PTPRN: variants seen among roughly 807,000 people sequenced by gnomAD.
PTPRN encodes the protein receptor-type tyrosine-protein phosphatase-like N.
PTPRN carries 70 observed loss-of-function variants against 108.5 expected under a neutral mutation model. The observed-to-expected ratio is 0.65, with a 90% CI of 0.53 to 0.79. PTPRN has a LOEUF of 0.79. Among genes scored for constraint, PTPRN ranks in the 30% least tolerant of loss-of-function variants. The pLI, the probability that PTPRN is intolerant of heterozygous loss-of-function variation, is 0.00. For missense variants in PTPRN, 1,136 were observed against 1,295.5 expected (o/e 0.88, Z 1.89); for synonymous variants, 496 against 524.6 (o/e 0.95, Z 0.75).
chr2:219,290,694 C>G lies in PTPRN; in HGVS notation c.2795-83G>C. 1 of 1,488,000 alleles carries G rather than the reference C, an allele frequency of 6.7e-7. No individual in the cohort carries two copies. Among genetic ancestry groups the G allele is most frequent in the Non-Finnish European group, 9.2e-7 (1 of 1,082,418 alleles). 92.2% of individuals were successfully genotyped at this position (1,488,000 alleles called of 1,614,324 possible). On this transcript the variant is annotated intron_variant, in intron 21 of 22. Coordinates refer to ENST00000295718, the MANE Select transcript of PTPRN (RefSeq NM_002846.4). This position sits in a 1 kb window ranked among gnomAD's most constrained non-coding sequence, Gnocchi z 4.2. ...CAGAAAACCTGAGGCCTCCTGGAGG[C>G]AAAGAGCCTTGGAGGGCTGGGCAGA...
At chr2:219,291,840 A>T (rs1952061714) in intron 19 of PTPRN, 1 of 446,564 alleles carries the variant, frequency 2.2e-6, no homozygotes, top group Non-Finnish European at 4.1e-6. Context: ...GGGTTCTTAC[A>T]ATGATCACAT....
intron 19 of PTPRN, among the ~76,000 whole-genome samples, 169 bp downstream of exon 19, chr2:219,294,806 G>A (rs1423643906): frequency 6.6e-6 from 1 of 152,022 alleles, no homozygotes; most frequent in African/African-American, 2.4e-5. Flanking sequence ...GGGCACAGCC[G>A]GAGCCTCAGG....
chr2:219,290,670 A>C lies in PTPRN; in HGVS notation c.2795-59T>G, dbSNP rs1222619042. 1 of 1,502,418 alleles carries C rather than the reference A, an allele frequency of 6.7e-7. No homozygotes were observed. Among genetic ancestry groups the C allele is most frequent in the Non-Finnish European group, 9.1e-7 (1 of 1,101,492 alleles). 93.1% of individuals were successfully genotyped at this position (1,502,418 alleles called of 1,614,324 possible). A position where few individuals can be genotyped will look rare whatever the true frequency, so the allele number is the denominator to read the frequency against. On this transcript the variant is annotated intron_variant, in intron 21 of 22. Coordinates refer to ENST00000295718, the MANE Select transcript of PTPRN (RefSeq NM_002846.4). This position sits in a 1 kb window ranked among gnomAD's most constrained non-coding sequence, Gnocchi z 4.2. ...GGGTGTCCAGAGGAGGACAGGACCC[A>C]GAAAACCTGAGGCCTCCTGGAGGCA...
At position 219,297,018 on chromosome 2, in the gene PTPRN, T is replaced by A. The variant is rs779741224; in HGVS notation, c.2203A>T (p.Ile735Phe). Residue 735 changes from isoleucine (I) to phenylalanine (F), a missense_variant, in exon 15 of 23, where the codon ATC (isoleucine) becomes TTC (phenylalanine). Transcript: ENST00000295718. This position sits in a 1 kb window ranked among gnomAD's most constrained non-coding sequence, Gnocchi z 6.0. The part of the protein sequence containing the change: ...TCATAQGEGN[I>F]KKNRHPDFLP... ...AAGTCAGGATGCCGGTTCTTTTTGA[T>A]GTTGCCCTCCCCCTGCGCGGTGGCA... 1 of 1,613,986 alleles carries A rather than the reference T, an allele frequency of 6.2e-7. No homozygotes were observed. The highest frequency in any genetic ancestry group is 8.5e-7 in the Non-Finnish European group (1 of 1,180,006).
At position 219,297,924 on chromosome 2, in the gene PTPRN, C is replaced by T. The variant is rs1305155780; in HGVS notation, c.1848G>A (p.Gly616=). The change falls in exon 13 of 23, where the codon GGG becomes GGA. Residue 616 remains glycine, a synonymous_variant. Coordinates refer to ENST00000295718, the MANE Select transcript of PTPRN (RefSeq NM_002846.4). This position sits in a 1 kb window ranked among gnomAD's most constrained non-coding sequence, Gnocchi z 6.0. The stretch of plus-strand genomic sequence containing the variant: ...TAGTGTCACCATGGGCCCCCTCAGG[C>T]CCCAGGGCTGCCAGGCGCTCCTTGT... ...QQDKERLAAL[G]PEGAHGDTTF... The T allele has an allele frequency of 3.1e-6, 5 of 1,612,596 alleles. No homozygotes were observed. Among genetic ancestry groups the T allele is most frequent in the Non-Finnish European group, 4.2e-6 (5 of 1,179,808 alleles).
chr2:219,297,998 C>A lies in PTPRN; in HGVS notation c.1774G>T (p.Val592Leu). ...ACACACAGAGCCACAGCCAGAGCCA[C>A]CAGCAGCCCAGCCACACCTGCCAGG... is the stretch of plus-strand genomic sequence containing the variant. Reference protein sequence around the residue: ...VALAGVAGLLVALAVALCVRQ... With the variant: ...VALAGVAGLLLALAVALCVRQ... The change falls in exon 13 of 23, where the codon GTG becomes TTG. Residue 592 changes from valine to leucine, a missense_variant. Val to Leu is a conservative substitution (Grantham distance 32). Coordinates refer to ENST00000295718, the MANE Select transcript of PTPRN (RefSeq NM_002846.4). The surrounding 1 kb of genome is among the most constrained non-coding windows in gnomAD (Gnocchi z 6.0). 6.2e-7 allele frequency: 1 copy of A among 1,613,866 alleles called. No homozygotes were observed. The highest frequency in any genetic ancestry group is 1.1e-5 in the South Asian group (1 of 91,088).
At chr2:219,304,133 G>A (rs1294190438) in intron 3 of PTPRN, 1 of 231,294 alleles carries the variant, frequency 4.3e-6, no homozygotes. Flanking sequence ...ATACCTCCTA[G>A]GATTGTTATT....
intron 9 of PTPRN, 61 bp downstream of exon 9, chr2:219,299,924 G>T: frequency 1.9e-6 from 3 of 1,598,902 alleles, no homozygotes; most frequent in Non-Finnish European, 2.6e-6. Flanking sequence ...CTCTGCTTCT[G>T]GCCAGGCAGG....
rs771291729 is a variant in PTPRN at position 219,297,276 on chromosome 2, G to A, written c.2045C>T (p.Pro682Leu). The change falls in exon 14 of 23, where the codon CCG (proline) becomes CTG (leucine). Residue 682 changes from proline (P) to leucine (L), a missense_variant. By Grantham distance (98) the Pro-to-Leu change is moderately conservative. Transcript: ENST00000295718. This position sits in a 1 kb window ranked among gnomAD's most constrained non-coding sequence, Gnocchi z 6.0. ...GGAGATGTCCATGTTGGCTTGGGCC[G>A]GCTCCTCGCACCAGGACGGGGTGCT... ...HSSTPSWCEE[P>L]AQANMDISTG... The A allele has an allele frequency of 2.7e-5, 44 of 1,613,954 alleles. No individual in the cohort carries two copies. Among genetic ancestry groups the A allele is most frequent in the Non-Finnish European group, 3.4e-5 (40 of 1,180,040 alleles).
chr2:219,295,208 C>T, intron 18 of PTPRN, 67 bp from the exon 19 acceptor site: 1 of 1,556,206 alleles, frequency 6.4e-7, no homozygotes, highest in South Asian at 1.2e-5. Context: ...GCGCGCTCTC[C>T]TCGCGACCTT....
At chr2:219,305,261 G>A (rs901506540) in intron 3 of PTPRN, among the ~76,000 whole-genome samples, 2 of 123,146 alleles carry the variant, frequency 1.6e-5, no homozygotes, top group Non-Finnish European at 3.3e-5. Flanking sequence ...TTTTTTTTTT[G>A]AGATGGAGTC....
At chr2:219,308,588 G>A (rs1952543964) in intron 1 of PTPRN, among the ~76,000 whole-genome samples, 1 of 136,242 alleles carries the variant, frequency 7.3e-6, no homozygotes, top group South Asian at 2.5e-4. Flanking sequence ...GTGAGTCAGC[G>A]CTGACTGTCT....
At chr2:219,300,921 C>A (rs1952329856) in intron 8 of PTPRN, 22 bp downstream of exon 8, 3 of 1,613,278 alleles carry the variant, frequency 1.9e-6, no homozygotes, top group Non-Finnish European at 2.5e-6. Context: ...GATTATGAGT[C>A]AAGGAGGTGC....
At chr2:219,298,190 C>T in intron 12 of PTPRN, 87 bp from the exon 13 acceptor site, 1 of 1,314,310 alleles carries the variant, frequency 7.6e-7, no homozygotes. Flanking sequence ...GCCACACCCC[C>T]TGTTAGGACA....
chr2:219,302,349 T>C lies in PTPRN; in HGVS notation c.782A>G (p.Tyr261Cys), dbSNP rs369712496. ...GIFGDHPGHS[Y>C]GDLPGPSPAQ... ...AGGTGAAGGCCCTGGAAGGTCCCCG[T>C]AGGAGTGGCCAGGGTGGTCCCCAAA... The change falls in exon 6 of 23, where the codon TAC becomes TGC. Residue 261 changes from tyrosine to cysteine, a missense_variant. By Grantham distance (194) the Tyr-to-Cys change is radical. Transcript: ENST00000295718. The C allele has an allele frequency of 5.0e-6, 8 of 1,613,662 alleles. No individual in the cohort carries two copies. Among genetic ancestry groups the C allele is most frequent in the Non-Finnish European group, 6.8e-6 (8 of 1,179,804 alleles).
In PTPRN at chr2:219,296,036, A is replaced by G. The variant is rs1277230506; in HGVS notation, c.2508+190T>C. ...TTCTGTAAACAGGACACACACATGT[A>G]TATATGTGAATATATGGGTATGCAT... On this transcript the variant is annotated intron_variant, in intron 18 of 22. Transcript: ENST00000295718. The surrounding 1 kb of genome is among the most constrained non-coding windows in gnomAD (Gnocchi z 6.0). 2 of 732,558 alleles carry G rather than the reference A, an allele frequency of 2.7e-6. No homozygotes were observed. The highest frequency in any genetic ancestry group is 4.4e-6 in the Non-Finnish European group (2 of 453,344). The allele number at this position is 732,558 out of a possible 1,614,324, so 45.4% of individuals were successfully genotyped here. A position where few individuals can be genotyped will look rare whatever the true frequency, so the allele number is the denominator to read the frequency against.
In PTPRN at chr2:219,299,966, C is replaced by T; in HGVS notation, c.1436+19G>A. The T allele has an allele frequency of 6.2e-7, 1 of 1,613,732 alleles. No homozygotes were observed. Among genetic ancestry groups the T allele is most frequent in the Non-Finnish European group, 8.5e-7 (1 of 1,179,778 alleles). ...CAAATCCTAGCAGACCAGAAAGCTTCCCAGGATGCAGCCCTTACTTCTGAT... is the reference window on the plus strand; with the variant it reads ...CAAATCCTAGCAGACCAGAAAGCTTTCCAGGATGCAGCCCTTACTTCTGAT... On this transcript the variant is annotated intron_variant, in intron 9 of 22. Coordinates refer to ENST00000295718, the MANE Select transcript of PTPRN (RefSeq NM_002846.4).
At chr2:219,299,913 C>G in intron 9 of PTPRN, 72 bp downstream of exon 9, 1 of 1,591,962 alleles carries the variant, frequency 6.3e-7, no homozygotes, top group Non-Finnish European at 8.6e-7. Flanking sequence ...GGATTTCTGC[C>G]CTCTGCTTCT....
At position 219,296,196 on chromosome 2, in the gene PTPRN, A is replaced by C. The variant is rs765081723; in HGVS notation, c.2508+30T>G. The C allele has an allele frequency of 2.5e-6, 4 of 1,612,954 alleles. No homozygotes were observed. The highest frequency in any genetic ancestry group is 3.4e-6 in the Non-Finnish European group (4 of 1,179,146). ...GCCATCATCTACTCTTCCCACATCC[A>C]TTGTCCCCTTGCTGTGGGGCCCTGC... On this transcript the variant is annotated intron_variant, in intron 18 of 22. Coordinates refer to ENST00000295718, the MANE Select transcript of PTPRN (RefSeq NM_002846.4). This position sits in a 1 kb window ranked among gnomAD's most constrained non-coding sequence, Gnocchi z 6.0.
Sources: allele counts gnomAD v4.1 joint callset (sites outside exome capture counted in the v4.1 genomes callset), GRCh38; gene constraint gnomAD v4.1.1; non-coding constraint Gnocchi (gnomAD v3.1); transcripts MANE v1.5; gene names NCBI Gene and HGNC (gene_info 2026-07-23, HGNC 2026-07-21).